Variants in NEGR1 observed in about 807,000 individuals in gnomAD.
NEGR1 encodes the protein neuronal growth regulator 1, also known as IgLON family member 4.
A neutral mutation model predicts 40.9 loss-of-function variants in NEGR1; 10 were observed. The observed-to-expected ratio is 0.24, with a 90% CI of 0.15 to 0.42. The LOEUF (loss-of-function observed/expected upper bound fraction) is 0.42. Ranked by LOEUF, NEGR1 falls within the 10% of genes least tolerant of loss-of-function variation. The probability of loss-of-function intolerance (pLI) is 1.00; values close to 1 mark genes in which losing one functional copy is unlikely to be tolerated. For missense variants in NEGR1, 352 were observed against 438.9 expected, an observed-to-expected ratio of 0.80 and a Z score of 1.77; for synonymous variants, 185 against 166.8, an observed-to-expected ratio of 1.11 and a Z score of -0.84.
At chr1:72,170,921 T>C (rs1482989112) in intron 1 of NEGR1, among the ~76,000 whole-genome samples, 4 of 152,200 alleles carry the variant, frequency 2.6e-5, no homozygotes, top group Non-Finnish European at 5.9e-5. Context: ...TTAGTTAGTC[T>C]GTGCTCCTGG....
intron 1 of NEGR1, among the ~76,000 whole-genome samples, chr1:72,019,823 C>T: frequency 6.6e-6 from 1 of 152,172 alleles, no homozygotes; most frequent in South Asian, 2.1e-4. Context: ...ATCTGTACTT[C>T]CTTTTTAAAG....
intron 1 of NEGR1, among the ~76,000 whole-genome samples, chr1:72,139,426 T>A (rs1650589927): frequency 6.6e-6 from 1 of 151,986 alleles, no homozygotes; most frequent in Non-Finnish European, 1.5e-5. Flanking sequence ...AATAAAAATA[T>A]TTGATCATTA....
chr1:72,048,477 G>A (rs1647023627), intron 1 of NEGR1, among the ~76,000 whole-genome samples: 1 of 150,104 alleles, frequency 6.7e-6, no homozygotes, highest in South Asian at 2.1e-4. Context: ...CTTTAAATGT[G>A]TAAGCGCCTT....
Position 72,234,338 on chromosome 1 carries a change from G to T in NEGR1, c.176+47981C>A, listed in dbSNP as rs143039133. ...TCTTGTTCTTTTTTATGGCTATATA[G>T]TATTCCATTCTGGACACGTGAACTG... is the stretch of plus-strand genomic sequence containing the variant. On this transcript the variant is annotated intron_variant, in intron 1 of 6. Coordinates refer to ENST00000357731, the MANE Select transcript of NEGR1 (RefSeq NM_173808.3). Among the ~76,000 whole-genome samples, 76 of 152,100 alleles carry T rather than the reference G, an allele frequency of 5.0e-4. No homozygotes were observed. In the East Asian group the frequency reaches 0.014, roughly 28 times the overall value.
chr1:71,774,705 A>C (rs529712502), intron 3 of NEGR1, among the ~76,000 whole-genome samples: 1 of 152,312 alleles, frequency 6.6e-6, no homozygotes, highest in African/African-American at 2.4e-5. Context: ...AATATGAAAC[A>C]AAATCAAATT....
chr1:71,740,543 A>T (rs1202240644), intron 3 of NEGR1, among the ~76,000 whole-genome samples: 1 of 152,122 alleles, frequency 6.6e-6, no homozygotes, highest in African/African-American at 2.4e-5. Flanking sequence ...CATCCCACAA[A>T]GATGTTTCCT....
intron 1 of NEGR1, among the ~76,000 whole-genome samples, chr1:72,213,850 C>T (rs1194257): frequency 0.028 from 4,331 of 152,148 alleles, 100 homozygotes; most frequent in African/African-American, 0.055. Flanking sequence ...AGGAACTTCT[C>T]CCTAATTCAT....
At chr1:72,031,308 T>G (rs1490269157) in intron 1 of NEGR1, among the ~76,000 whole-genome samples, 2 of 152,136 alleles carry the variant, frequency 1.3e-5, no homozygotes, top group Non-Finnish European at 2.9e-5. Context: ...AGGGAGGAAG[T>G]GGATGTAAGA....
intron 2 of NEGR1, among the ~76,000 whole-genome samples, chr1:71,846,932 G>C (rs1005347351): frequency 1.3e-5 from 2 of 152,150 alleles, no homozygotes; most frequent in African/African-American, 4.8e-5. Context: ...TTCAACTCAT[G>C]AATTTGCTAG....
intron 1 of NEGR1, among the ~76,000 whole-genome samples, chr1:72,033,217 T>C (rs1646874480): frequency 6.6e-6 from 1 of 152,160 alleles, no homozygotes; most frequent in African/African-American, 2.4e-5. Context: ...AATATATGTA[T>C]AGGATATGCC....
intron 6 of NEGR1, among the ~76,000 whole-genome samples, chr1:71,536,558 C>T (rs1009469222): frequency 6.6e-6 from 1 of 151,698 alleles, no homozygotes; most frequent in African/African-American, 2.4e-5. Context: ...AAATAAAACT[C>T]TTTTCTTTGT....
chr1:71,474,876 C>T (rs1294083822), intron 6 of NEGR1, among the ~76,000 whole-genome samples: 1 of 151,808 alleles, frequency 6.6e-6, no homozygotes, highest in Non-Finnish European at 1.5e-5. Context: ...AGATAAACCA[C>T]TAAAAGAACA....
intron 1 of NEGR1, among the ~76,000 whole-genome samples, chr1:72,053,922 T>C (rs1447773087): frequency 6.6e-6 from 1 of 150,968 alleles, no homozygotes; most frequent in Non-Finnish European, 1.5e-5. Context: ...AACTAGATGT[T>C]TGTTGAACTT....
At chr1:72,129,560 G>C (rs1195259180) in intron 1 of NEGR1, among the ~76,000 whole-genome samples, 1 of 152,170 alleles carries the variant, frequency 6.6e-6, no homozygotes, top group Non-Finnish European at 1.5e-5. Context: ...GCTACAAACA[G>C]TAATATTGAA....
At chr1:71,622,529 AT>A (rs889569509) in intron 4 of NEGR1, among the ~76,000 whole-genome samples, 16 of 151,850 alleles carry the variant, frequency 1.1e-4, no homozygotes, top group Non-Finnish European at 1.6e-4. Flanking sequence ...AAACATAAGA[AT>A]TTTTTTGTAA....
chr1:71,542,077 G>A (rs1647724055), intron 6 of NEGR1, among the ~76,000 whole-genome samples: 1 of 151,736 alleles, frequency 6.6e-6, no homozygotes, highest in African/African-American at 2.4e-5. Flanking sequence ...ACTATTGGTG[G>A]GAAATATGGT....
At chr1:71,933,249 A>G (rs1025852012) in intron 2 of NEGR1, among the ~76,000 whole-genome samples, 1 of 152,070 alleles carries the variant, frequency 6.6e-6, no homozygotes, top group Non-Finnish European at 1.5e-5. Flanking sequence ...TATGTAATAT[A>G]AAGTTATTTT....
intron 3 of NEGR1, among the ~76,000 whole-genome samples, chr1:71,743,540 G>A (rs2101678817): frequency 6.6e-6 from 1 of 151,990 alleles, no homozygotes; most frequent in East Asian, 1.9e-4. Flanking sequence ...ATGTCTTTCA[G>A]TATGGTATTT....
chr1:71,759,928 C>T (rs544895348), intron 3 of NEGR1, among the ~76,000 whole-genome samples: 2 of 152,084 alleles, frequency 1.3e-5, no homozygotes, highest in Non-Finnish European at 2.9e-5. Flanking sequence ...AACTTTTAAA[C>T]AAACTCCTAA....
Sources: allele counts gnomAD v4.1 joint callset (sites outside exome capture counted in the v4.1 genomes callset), GRCh38; gene constraint gnomAD v4.1.1; transcripts MANE v1.5; gene names NCBI Gene and HGNC (gene_info 2026-07-23, HGNC 2026-07-21).